GPAT3: variants seen among roughly 807,000 people sequenced by gnomAD.
GPAT3 encodes the protein glycerol-3-phosphate acyltransferase 3, also known as 1-AGP acyltransferase 9.
In GPAT3, 53 loss-of-function variants were observed where a neutral mutation model predicts 58.8. That is an observed-to-expected ratio of 0.90 (90% CI 0.72 to 1.13). GPAT3 has a LOEUF of 1.13. GPAT3 is among the 50% of genes most tolerant of loss of function. The pLI, the probability that GPAT3 is intolerant of heterozygous loss-of-function variation, is 0.00. For missense variants in GPAT3, 511 were observed against 527.6 expected, an observed-to-expected ratio of 0.97 and a Z score of 0.31; for synonymous variants, 197 against 187.4, an observed-to-expected ratio of 1.05 and a Z score of -0.42.
At chr4:83,574,871 T>C (rs1366861364) in intron 2 of GPAT3, among the ~76,000 whole-genome samples, 1 of 144,776 alleles carries the variant, frequency 6.9e-6, no homozygotes, top group African/African-American at 2.5e-5. Context: ...TTCTTTCTTT[T>C]TTTTTTTTTT....
intron 2 of GPAT3, among the ~76,000 whole-genome samples, chr4:83,568,279 T>C (rs944728786): frequency 1.3e-5 from 2 of 152,162 alleles, no homozygotes; most frequent in African/African-American, 4.8e-5. Context: ...GCAATTGTGA[T>C]TGAGTCATCA....
chr4:83,604,847 T>C lies in GPAT3; in HGVS notation c.*80T>C. 4 of 1,171,406 alleles carry C rather than the reference T, an allele frequency of 3.4e-6. No homozygotes were observed. Among genetic ancestry groups the C allele is most frequent in the Non-Finnish European group, 4.9e-6 (4 of 820,986 alleles). The allele number at this position is 1,171,406 out of a possible 1,614,324, so 72.6% of individuals were successfully genotyped here. A position where few individuals can be genotyped will look rare whatever the true frequency, so the allele number is the denominator to read the frequency against. ...TTTTTTGTTTTGTTTTGTTTTATTG[T>C]TTTGTTTTTATTATTGTTAATCTTT... On this transcript the variant is annotated 3_prime_UTR_variant, in exon 12 of 12. Coordinates refer to ENST00000264409, the MANE Select transcript of GPAT3 (RefSeq NM_032717.5).
rs188308215 is a variant in GPAT3, at chr4:83,600,255, T to G, written c.1205+1532T>G. 1.1e-4 allele frequency among the ~76,000 whole-genome samples: 17 copies of G among 152,328 alleles called. No homozygotes were observed. In the East Asian group the frequency reaches 3.3e-3, roughly 29 times the overall value. On this transcript the variant is annotated intron_variant, in intron 11 of 11. Transcript: ENST00000264409. ...AGCTGCATTCTCCTGTGTGCTTACA[T>G]GATCCCTTCTTTGTGCAGGCATGAA...
intron 11 of GPAT3, among the ~76,000 whole-genome samples, chr4:83,600,493 T>TG (rs1203791728): frequency 9.8e-5 from 13 of 132,770 alleles, no homozygotes; most frequent in Middle Eastern, 3.8e-3. Flanking sequence ...TACATTATAA[T>TG]GGGGGATTGA....
chr4:83,551,663 GC>G (rs1724754741), intron 2 of GPAT3, among the ~76,000 whole-genome samples: 1 of 151,656 alleles, frequency 6.6e-6, no homozygotes, highest in South Asian at 2.1e-4. Flanking sequence ...GTGGTGGTGC[GC>G]CCCTATAGTC....
chr4:83,586,298 G>C (rs961215499), intron 3 of GPAT3, among the ~76,000 whole-genome samples: 1 of 152,158 alleles, frequency 6.6e-6, no homozygotes, highest in African/African-American at 2.4e-5. Context: ...ACCCTGGAGA[G>C]GGTTACTGTT....
Position 83,598,694 on chromosome 4 carries a change from T to C in GPAT3, c.1176T>C (p.Ala392=), listed in dbSNP as rs1726941656. ...CTAACAGGGTTAAGTCTGCTATTGC[T>C]ATACAAGGAGGCCTGACTGAACTTC... ...QFANRVKSAI[A]IQGGLTELPW... is the part of the protein sequence containing the mutation. Residue 392 remains alanine, a synonymous_variant, in exon 11 of 12, where the codon GCT becomes GCC. Transcript: ENST00000264409. 1 of 1,566,790 alleles carries C rather than the reference T, an allele frequency of 6.4e-7. No individual in the cohort carries two copies. The highest frequency in any genetic ancestry group is 1.7e-5 in the Admixed American group (1 of 57,174).
chr4:83,586,642 A>G (rs1436391519), intron 3 of GPAT3, among the ~76,000 whole-genome samples: 2 of 152,192 alleles, frequency 1.3e-5, no homozygotes, highest in Non-Finnish European at 2.9e-5. Context: ...TCCTTTTTGA[A>G]TAATTCTATT....
At chr4:83,570,471 CTTTT>C (rs11417042) in intron 2 of GPAT3, among the ~76,000 whole-genome samples, 5 of 126,666 alleles carry the variant, frequency 3.9e-5, no homozygotes, top group Non-Finnish European at 4.9e-5. Flanking sequence ...TGGGAGAACT[CTTTT>C]TTTTTTTTTT....
At chr4:83,577,277 G>A (rs1725856117) in intron 2 of GPAT3, among the ~76,000 whole-genome samples, 2 of 151,592 alleles carry the variant, frequency 1.3e-5, no homozygotes, top group Admixed American at 1.3e-4. Flanking sequence ...TAAATGTAAG[G>A]TGCAATCCTG....
At chr4:83,556,782 C>T (rs1306054066) in intron 2 of GPAT3, among the ~76,000 whole-genome samples, 1 of 131,368 alleles carries the variant, frequency 7.6e-6, no homozygotes, top group Non-Finnish European at 1.6e-5. Context: ...CTACGGTTCT[C>T]AAAAAAAAAA....
intron 11 of GPAT3, among the ~76,000 whole-genome samples, chr4:83,602,151 C>G (rs916530715): frequency 3.3e-5 from 5 of 152,136 alleles, no homozygotes; most frequent in African/African-American, 1.2e-4. Context: ...AAACTCTTTA[C>G]TCACTCTTTA....
chr4:83,578,959 T>TCTTTCTTTCTTTCTTG (rs1725938185), intron 2 of GPAT3, among the ~76,000 whole-genome samples: 2 of 121,002 alleles, frequency 1.7e-5, no homozygotes, highest in African/African-American at 7.0e-5. Context: ...TTTCTTTCTT[T>TCTTTCTTTCTTTCTTG]CTTTCTTTCT....
rs184222332 is a variant in GPAT3, at chr4:83,581,890, A to C, written c.479+58A>C. ...CTTGACTCAGCTTTCTTTTTGAATCATGTACATAATGGCCACGTAAGTGTT... is the reference window on the plus strand; with the variant it reads ...CTTGACTCAGCTTTCTTTTTGAATCCTGTACATAATGGCCACGTAAGTGTT... On this transcript the variant is annotated intron_variant, in intron 3 of 11. Coordinates refer to ENST00000264409, the MANE Select transcript of GPAT3 (RefSeq NM_032717.5). 1.9e-6 allele frequency: 3 copies of C among 1,549,650 alleles called. No individual in the cohort carries two copies. The African/African-American group carries it at 4.1e-5, about 21-fold the overall frequency.
At position 83,579,081 on chromosome 4, in the gene GPAT3, C is replaced by CCTTTCCTT. The variant is rs1560621462; in HGVS notation, c.209-2480_209-2479insTTTCCTTC. ...TTCTTTCTTTCTTTCTTTCTTTCTT[C>CCTTTCCTT]CCTTCCTTCCTTCCTTCCTTCCTTC... is the stretch of plus-strand genomic sequence containing the variant. On this transcript the variant is annotated intron_variant, in intron 2 of 11. Coordinates refer to ENST00000264409, the MANE Select transcript of GPAT3 (RefSeq NM_032717.5). Among the ~76,000 whole-genome samples the CCTTTCCTT allele has an allele frequency of 5.0e-3, 99 of 19,680 alleles. 5 individuals are homozygous for CCTTTCCTT. The highest frequency in any genetic ancestry group is 6.3e-3 in the Non-Finnish European group (66 of 10,552). 12.9% of individuals were successfully genotyped at this position (19,680 alleles called of 152,430 possible). A position where few individuals can be genotyped will look rare whatever the true frequency, so the allele number is the denominator to read the frequency against.
At chr4:83,574,980 C>T (rs369148953) in intron 2 of GPAT3, among the ~76,000 whole-genome samples, 15 of 150,696 alleles carry the variant, frequency 1.0e-4, no homozygotes, top group Admixed American at 3.3e-4. Context: ...GGGTTCACGC[C>T]ATTCTCCTGC....
chr4:83,549,798 C>T (rs1724686333), intron 2 of GPAT3, among the ~76,000 whole-genome samples: 1 of 151,644 alleles, frequency 6.6e-6, no homozygotes, highest in African/African-American at 2.4e-5. Flanking sequence ...TTTCGGCTCA[C>T]TGAAACCTCT....
intron 8 of GPAT3, 95 bp downstream of exon 8, chr4:83,597,008 C>A: frequency 9.1e-7 from 1 of 1,093,834 alleles, no homozygotes; most frequent in Non-Finnish European, 1.4e-6. Context: ...GCAACCTTAG[C>A]CCAGATCTCT....
At chr4:83,536,789 G>GCCC (rs753770010) in intron 1 of GPAT3, 26 bp downstream of exon 1, 41 of 1,584,038 alleles carry the variant, frequency 2.6e-5, no homozygotes, top group Non-Finnish European at 3.4e-5. Flanking sequence ...GATGCAGCCA[G>GCCC]CCCCACACCG....
Sources: allele counts gnomAD v4.1 joint callset (sites outside exome capture counted in the v4.1 genomes callset), GRCh38; gene constraint gnomAD v4.1.1; transcripts MANE v1.5; gene names NCBI Gene and HGNC (gene_info 2026-07-23, HGNC 2026-07-21).